CDH9: variants seen among roughly 807,000 people sequenced by gnomAD.
The protein encoded by CDH9 is cadherin-9.
In CDH9, 28 loss-of-function variants were observed where a neutral mutation model predicts 70.9. The ratio of observed to expected loss-of-function variants is 0.40; its 90% CI spans 0.29 to 0.54. The LOEUF (loss-of-function observed/expected upper bound fraction) is 0.54. Ranked by LOEUF, CDH9 falls within the 20% of genes least tolerant of loss-of-function variation. The probability of loss-of-function intolerance (pLI) is 0.59; values close to 1 mark genes in which losing one functional copy is unlikely to be tolerated. For synonymous variants in CDH9, 409 were observed against 343.1 expected (o/e 1.19, Z -2.12); for missense variants, 874 against 984.4 (o/e 0.89, Z 1.50).
intron 1 of CDH9, among the ~76,000 whole-genome samples, chr5:27,026,159 C>G (rs1743217404): frequency 6.6e-6 from 1 of 151,168 alleles, no homozygotes. Context: ...TTTAATCAAG[C>G]AAGAAAAAAA....
At chr5:26,957,587 G>T (rs576740026) in intron 2 of CDH9, among the ~76,000 whole-genome samples, 2 of 152,128 alleles carry the variant, frequency 1.3e-5, no homozygotes, top group African/African-American at 4.8e-5. Flanking sequence ...GCTTGAACTT[G>T]GGAGGTGGAG....
chr5:26,941,955 G>T (rs142181039), intron 2 of CDH9, among the ~76,000 whole-genome samples: 158 of 152,304 alleles, frequency 1.0e-3, no homozygotes, highest in African/African-American at 3.7e-3. Flanking sequence ...AGAGGGCTAT[G>T]CATGCTAAGG....
At chr5:27,026,101 CTT>C (rs760781837) in intron 1 of CDH9, among the ~76,000 whole-genome samples, 20 of 151,808 alleles carry the variant, frequency 1.3e-4, no homozygotes, top group Middle Eastern at 6.8e-3. Context: ...GAAATTCTAA[CTT>C]TGTATACATA....
rs775423954 is a variant in CDH9 at position 26,977,485 on chromosome 5, G to GTATATATA, written c.228+10613_228+10620dup. Among the ~76,000 whole-genome samples the GTATATATA allele has an allele frequency of 4.4e-4, 30 of 68,852 alleles. No homozygotes were observed. In the East Asian group the frequency reaches 6.5e-3, roughly 15 times the overall value. The allele number at this position is 68,852 out of a possible 152,430, so 45.2% of individuals were successfully genotyped here. ...TATATATGTGTGCGTGTGTGTGTGT[G>GTATATATA]TATATATATATATATATATATATGG... On this transcript the variant is annotated intron_variant, in intron 2 of 11. Coordinates refer to ENST00000231021, the MANE Select transcript of CDH9 (RefSeq NM_016279.4).
chr5:26,944,528 C>T (rs1741714913), intron 2 of CDH9, among the ~76,000 whole-genome samples: 1 of 152,096 alleles, frequency 6.6e-6, no homozygotes, highest in South Asian at 2.1e-4. Flanking sequence ...TGGCACATGC[C>T]TGTAGTTCCA....
intron 2 of CDH9, among the ~76,000 whole-genome samples, chr5:26,958,079 G>T (rs968940401): frequency 6.6e-6 from 1 of 152,104 alleles, no homozygotes; most frequent in African/African-American, 2.4e-5. Context: ...ATGATTCAGA[G>T]GAAAGAGACA....
chr5:27,008,151 A>G lies in CDH9; in HGVS notation c.-49-19769T>C, dbSNP rs141619317. Reference sequence around the variant, plus strand: ...ACTAGGTTTTATTTTTATTATATCTAGCATGGGAATCATGAGCTGACCTTA... The same window carrying G: ...ACTAGGTTTTATTTTTATTATATCTGGCATGGGAATCATGAGCTGACCTTA... On this transcript the variant is annotated intron_variant, in intron 1 of 11. Transcript: ENST00000231021. Among the ~76,000 whole-genome samples the G allele has an allele frequency of 4.6e-5, 7 of 152,280 alleles. No homozygotes were observed. The East Asian group carries it at 1.4e-3, about 29-fold the overall frequency.
chr5:27,022,800 A>G (rs889631643), intron 1 of CDH9, among the ~76,000 whole-genome samples: 1 of 152,114 alleles, frequency 6.6e-6, no homozygotes, highest in Non-Finnish European at 1.5e-5. Context: ...TCAATGGAAC[A>G]GACTCAGTTC....
At chr5:26,915,424 T>C (rs1359866038) in intron 3 of CDH9, among the ~76,000 whole-genome samples, 1 of 151,982 alleles carries the variant, frequency 6.6e-6, no homozygotes, top group Non-Finnish European at 1.5e-5. Context: ...CTGCTATTGA[T>C]AATCATATTT....
chr5:26,989,370 C>T (rs1742542131), intron 1 of CDH9, among the ~76,000 whole-genome samples: 1 of 151,764 alleles, frequency 6.6e-6, no homozygotes, highest in African/African-American at 2.4e-5. Context: ...AACTAGTAGG[C>T]AAAAAAGTCA....
intron 1 of CDH9, among the ~76,000 whole-genome samples, chr5:27,026,543 A>G (rs1253935810): frequency 6.6e-6 from 1 of 152,012 alleles, no homozygotes; most frequent in Non-Finnish European, 1.5e-5. Flanking sequence ...TATTTTAATT[A>G]TTCTTTTTGT....
intron 1 of CDH9, among the ~76,000 whole-genome samples, chr5:26,995,255 G>A (rs993369060): frequency 1.3e-5 from 2 of 152,014 alleles, no homozygotes; most frequent in East Asian, 1.9e-4. Flanking sequence ...TTTGAGCCTC[G>A]GATCATGTAT....
At chr5:27,002,272 A>G (rs1458017634) in intron 1 of CDH9, among the ~76,000 whole-genome samples, 2 of 152,196 alleles carry the variant, frequency 1.3e-5, no homozygotes, top group Non-Finnish European at 2.9e-5. Context: ...AGGAAACAAC[A>G]GGTGCTGGAG....
intron 2 of CDH9, among the ~76,000 whole-genome samples, chr5:26,942,669 T>C (rs1326857617): frequency 2.0e-5 from 3 of 152,174 alleles, no homozygotes; most frequent in African/African-American, 7.2e-5. Context: ...TTTAAAGTTC[T>C]AAACACCCCG....
intron 2 of CDH9, among the ~76,000 whole-genome samples, chr5:26,963,493 C>T (rs894628392): frequency 6.6e-6 from 1 of 151,978 alleles, no homozygotes; most frequent in African/African-American, 2.4e-5. Context: ...CCATCGAGAA[C>T]ATTTTTTATA....
intron 7 of CDH9, 88 bp downstream of exon 7, chr5:26,902,388 A>G (rs1740871460): frequency 1.2e-6 from 1 of 822,698 alleles, no homozygotes; most frequent in African/African-American, 1.7e-5. Flanking sequence ...GCTTGATTAT[A>G]CATTGTGCAA....
rs769572204 is a variant in CDH9 at position 26,881,219 on chromosome 5, C to T, written c.2287G>A (p.Asp763Asn). 1.4e-4 allele frequency: 226 copies of T among 1,612,590 alleles called. No individual in the cohort carries two copies. The highest frequency in any genetic ancestry group is 1.9e-4 in the Non-Finnish European group (223 of 1,178,866). Residue 763 changes from aspartate (D) to asparagine (N), a missense_variant, in exon 12 of 12, where the codon GAT becomes AAT. Coordinates refer to ENST00000231021, the MANE Select transcript of CDH9 (RefSeq NM_016279.4). ...LESLTADCNQDYDYLSDWGPR... is the reference protein window; with the variant it reads ...LESLTADCNQNYDYLSDWGPR... The stretch of plus-strand genomic sequence containing the variant: ...CCCCAGTCACTGAGGTAATCATAAT[C>T]TTGGTTACAATCAGCTGTGAGAGAT...
At chr5:26,923,296 G>A (rs918155664) in intron 2 of CDH9, among the ~76,000 whole-genome samples, 2 of 151,186 alleles carry the variant, frequency 1.3e-5, no homozygotes, top group Admixed American at 6.6e-5. Context: ...ATACCAAGAC[G>A]GAAATATAAA....
At chr5:26,900,233 A>G (rs535447122) in intron 7 of CDH9, among the ~76,000 whole-genome samples, 1 of 152,174 alleles carries the variant, frequency 6.6e-6, no homozygotes, top group African/African-American at 2.4e-5. Context: ...ACAGCCCCAA[A>G]TATTGTCATT....
Sources: gnomAD v4.1 joint callset for allele counts (sites outside exome capture counted in the v4.1 genomes callset) on GRCh38, gnomAD v4.1.1 for gene constraint, MANE v1.5 for transcripts, NCBI Gene and HGNC (gene_info 2026-07-23, HGNC 2026-07-21) for gene names.